The following CCDC146 variants were observed in gnomAD, a reference collection of about 807,000 sequenced individuals.
CCDC146 encodes the protein coiled-coil domain-containing protein 146.
CCDC146 carries 92 observed loss-of-function variants against 119.3 expected under a neutral mutation model. That is an observed-to-expected ratio of 0.77 (90% CI 0.65 to 0.92). The LOEUF (loss-of-function observed/expected upper bound fraction) is 0.92, where lower values mean the gene tolerates loss of function less well. Among genes scored for constraint, CCDC146 ranks in the 40% least tolerant of loss-of-function variants. The probability of loss-of-function intolerance (pLI) is 0.00; values close to 1 mark genes in which losing one functional copy is unlikely to be tolerated. For synonymous variants in CCDC146, 372 were observed against 371.8 expected, an observed-to-expected ratio of 1.00 and a Z score of -0.01; for missense variants, 1,000 against 1,103.0, an observed-to-expected ratio of 0.91 and a Z score of 1.32.
chr7:77,140,683 C>G (rs1286702715), intron 1 of CCDC146, among the ~76,000 whole-genome samples: 3 of 151,958 alleles, frequency 2.0e-5, no homozygotes, highest in Non-Finnish European at 4.4e-5. Flanking sequence ...TCAATAGCAC[C>G]CGTCCTCTGA....
intron 2 of CCDC146, among the ~76,000 whole-genome samples, chr7:77,235,491 G>A (rs1430832116): frequency 6.6e-6 from 1 of 152,234 alleles, no homozygotes; most frequent in Non-Finnish European, 1.5e-5. Flanking sequence ...GGCAGCCAGT[G>A]TGGCAGAAGC....
rs574669173 is a variant in CCDC146, at chr7:77,190,286, T to C, written c.156+22462T>C. Among the ~76,000 whole-genome samples, 3 of 152,382 alleles carry C rather than the reference T, an allele frequency of 2.0e-5. No individual in the cohort carries two copies. The South Asian group carries it at 6.2e-4, about 32-fold the overall frequency. On this transcript the variant is annotated intron_variant, in intron 2 of 18. Coordinates refer to ENST00000285871, the MANE Select transcript of CCDC146 (RefSeq NM_020879.3). Reference sequence around the variant, plus strand: ...GATAGCCTGTTGAATCTATAATTTCTGGTAAATATACCTATACCAGTAAAT... The same window carrying C: ...GATAGCCTGTTGAATCTATAATTTCCGGTAAATATACCTATACCAGTAAAT...
At chr7:77,127,359 G>A (rs1285341388) in intron 1 of CCDC146, among the ~76,000 whole-genome samples, 2 of 152,214 alleles carry the variant, frequency 1.3e-5, no homozygotes, top group East Asian at 3.9e-4. Flanking sequence ...CTGTAGCACC[G>A]TCCAGGAGGG....
At chr7:77,200,291 G>A (rs1197452602) in intron 2 of CCDC146, among the ~76,000 whole-genome samples, 3 of 152,106 alleles carry the variant, frequency 2.0e-5, no homozygotes, top group African/African-American at 4.8e-5. Flanking sequence ...GGACTTTCAG[G>A]TGAAATCTTA....
intron 9 of CCDC146, among the ~76,000 whole-genome samples, chr7:77,271,922 G>A (rs151004640): frequency 5.6e-4 from 85 of 152,034 alleles, no homozygotes; most frequent in African/African-American, 1.9e-3. Context: ...ATTTTCTGTC[G>A]AAACCTCATA....
At chr7:77,278,435 A>ATTTTTTTTTTTTTTTTTTTTTTTTTT in intron 11 of CCDC146, among the ~76,000 whole-genome samples, 1 of 103,342 alleles carries the variant, frequency 9.7e-6, no homozygotes, top group Non-Finnish European at 1.8e-5. Flanking sequence ...CCAAGAAATA[A>ATTTTTTTTTTTTTTTTTTTTTTTTTT]TTTTTTTTTT....
chr7:77,179,946 T>C (rs1791557295), intron 2 of CCDC146, among the ~76,000 whole-genome samples: 1 of 152,204 alleles, frequency 6.6e-6, no homozygotes, highest in Non-Finnish European at 1.5e-5. Flanking sequence ...ATTTCTCTTT[T>C]TATGAATGGC....
chr7:77,209,807 GCTTGTAC>G (rs1792148444), intron 2 of CCDC146, among the ~76,000 whole-genome samples: 1 of 152,178 alleles, frequency 6.6e-6, no homozygotes, highest in Admixed American at 6.5e-5. Flanking sequence ...AAGGCTTGGG[GCTTGTAC>G]CCTCTGAAAC....
chr7:77,189,547 C>T (rs184740499), intron 2 of CCDC146, among the ~76,000 whole-genome samples: 13 of 152,312 alleles, frequency 8.5e-5, no homozygotes, highest in Middle Eastern at 3.4e-3. Flanking sequence ...CTGCTCAAAA[C>T]CCTTACGGCT....
At chr7:77,142,305 C>CATTTATTTATTTATTTATTT (rs34373715) in intron 1 of CCDC146, among the ~76,000 whole-genome samples, 1 of 142,790 alleles carries the variant, frequency 7.0e-6, no homozygotes, top group African/African-American at 2.6e-5. Flanking sequence ...CATGATTGTA[C>CATTTATTTATTTATTTATTT]ATTTATTTAT....
chr7:77,270,320 ATT>A (rs796933663), intron 9 of CCDC146, among the ~76,000 whole-genome samples: 28 of 143,396 alleles, frequency 2.0e-4, no homozygotes, highest in Non-Finnish European at 1.8e-4. Flanking sequence ...TAGGAAGCAG[ATT>A]TTTTTTTTTT....
intron 2 of CCDC146, among the ~76,000 whole-genome samples, chr7:77,169,617 G>C (rs143987444): frequency 6.6e-6 from 1 of 152,126 alleles, no homozygotes; most frequent in African/African-American, 2.4e-5. Flanking sequence ...TTATCAGTGT[G>C]GACTTAGGTT....
At chr7:77,127,474 C>G (rs995271157) in intron 1 of CCDC146, among the ~76,000 whole-genome samples, 3 of 152,134 alleles carry the variant, frequency 2.0e-5, no homozygotes, top group African/African-American at 7.3e-5. Flanking sequence ...CCATCATTAT[C>G]TTTTCTATAA....
intron 1 of CCDC146, among the ~76,000 whole-genome samples, chr7:77,163,851 C>T (rs2868706): frequency 0.42 from 58,451 of 140,432 alleles, 13,020 homozygotes; most frequent in African/African-American, 0.61. Flanking sequence ...TTCTTTCTTT[C>T]TTTTTTTTCT....
chr7:77,224,030 A>G (rs1792456493), intron 2 of CCDC146, among the ~76,000 whole-genome samples: 1 of 152,238 alleles, frequency 6.6e-6, no homozygotes, highest in Non-Finnish European at 1.5e-5. Flanking sequence ...AGTAGATAAG[A>G]AGAGAGAAAA....
chr7:77,205,428 A>G (rs1792065426), intron 2 of CCDC146, among the ~76,000 whole-genome samples: 1 of 152,162 alleles, frequency 6.6e-6, no homozygotes, highest in African/African-American at 2.4e-5. Flanking sequence ...TTTATCTAAT[A>G]TATGTGTTTT....
chr7:77,154,382 G>A (rs1403416385), intron 1 of CCDC146, among the ~76,000 whole-genome samples: 3 of 151,806 alleles, frequency 2.0e-5, no homozygotes, highest in Non-Finnish European at 4.4e-5. Flanking sequence ...ATGTATACAT[G>A]TTCCATGTTG....
chr7:77,248,066 G>A (rs982367744), intron 4 of CCDC146, among the ~76,000 whole-genome samples: 1 of 152,078 alleles, frequency 6.6e-6, no homozygotes, highest in Non-Finnish European at 1.5e-5. Context: ...AAGAAAATGT[G>A]ACATATATAT....
intron 1 of CCDC146, among the ~76,000 whole-genome samples, chr7:77,142,065 C>A: frequency 6.6e-6 from 1 of 151,958 alleles, no homozygotes; most frequent in East Asian, 1.9e-4. Flanking sequence ...TGGAATGTAT[C>A]TCAAAATAAT....
Sources: gnomAD v4.1 joint callset for allele counts (sites outside exome capture counted in the v4.1 genomes callset) on GRCh38, gnomAD v4.1.1 for gene constraint, MANE v1.5 for transcripts, NCBI Gene and HGNC (gene_info 2026-07-23, HGNC 2026-07-21) for gene names.